The following ROBO2 variants were observed in gnomAD, a reference collection of about 807,000 sequenced individuals.
The protein encoded by ROBO2 is roundabout homolog 2.
A neutral mutation model predicts 160.8 loss-of-function variants in ROBO2; 53 were observed. That is an observed-to-expected ratio of 0.33 (90% CI 0.26 to 0.41). ROBO2 has a LOEUF of 0.41. Ranked by LOEUF, ROBO2 falls within the 10% of genes least tolerant of loss-of-function variation. The pLI is 1.00. For synonymous variants in ROBO2, 664 were observed against 611.7 expected, an observed-to-expected ratio of 1.09 and a Z score of -1.26; for missense variants, 1,577 against 1,722.4, an observed-to-expected ratio of 0.92 and a Z score of 1.49.
intron 2 of ROBO2, among the ~76,000 whole-genome samples, chr3:76,240,298 A>G (rs1461690068): frequency 2.0e-5 from 3 of 150,284 alleles, no homozygotes; most frequent in Non-Finnish European, 4.4e-5. Context: ...ACCCCCCGAC[A>G]GGCCCCAGTG....
At chr3:77,107,188 A>G (rs2072921331) in intron 2 of ROBO2, among the ~76,000 whole-genome samples, 1 of 152,326 alleles carries the variant, frequency 6.6e-6, no homozygotes, top group South Asian at 2.1e-4. Context: ...GCTCTGTCTC[A>G]TGACCTAATC....
intron 2 of ROBO2, among the ~76,000 whole-genome samples, chr3:77,222,645 T>C (rs1442109708): frequency 1.3e-5 from 2 of 152,220 alleles, no homozygotes. Context: ...TCAAAAACTA[T>C]ATCTTCATAT....
intron 17 of ROBO2, among the ~76,000 whole-genome samples, chr3:77,593,208 T>A (rs1331916468): frequency 8.7e-6 from 1 of 114,906 alleles, no homozygotes; most frequent in Non-Finnish European, 1.9e-5. Flanking sequence ...CACTTGATAG[T>A]CCATTAAAAA....
chr3:77,253,455 T>C (rs1465579160), intron 2 of ROBO2, among the ~76,000 whole-genome samples: 2 of 152,164 alleles, frequency 1.3e-5, no homozygotes, highest in Non-Finnish European at 1.5e-5. Context: ...CACTAAAAGC[T>C]CTATTCCAAA....
At chr3:76,111,743 C>G (rs184646993) in intron 2 of ROBO2, among the ~76,000 whole-genome samples, 1 of 152,194 alleles carries the variant, frequency 6.6e-6, no homozygotes, top group African/African-American at 2.4e-5. Flanking sequence ...CCCAAAAGGG[C>G]AGGGAGATGA....
At chr3:77,005,201 T>C (rs2061521246) in intron 2 of ROBO2, among the ~76,000 whole-genome samples, 1 of 152,164 alleles carries the variant, frequency 6.6e-6, no homozygotes, top group Non-Finnish European at 1.5e-5. Context: ...CCTGACTCTA[T>C]GGCCGCCGCC....
At chr3:76,071,658 C>G (rs1229499093) in intron 2 of ROBO2, among the ~76,000 whole-genome samples, 1 of 151,936 alleles carries the variant, frequency 6.6e-6, no homozygotes, top group Non-Finnish European at 1.5e-5. Context: ...TCTAATTGGA[C>G]TTTTTCAGGT....
intron 2 of ROBO2, among the ~76,000 whole-genome samples, chr3:76,249,822 G>T (rs1265476541): frequency 6.6e-6 from 1 of 152,068 alleles, no homozygotes. Flanking sequence ...TTTCTCAAAG[G>T]ATATTTGAAG....
chr3:76,358,733 T>G (rs1033562304), intron 2 of ROBO2, among the ~76,000 whole-genome samples: 3 of 152,018 alleles, frequency 2.0e-5, no homozygotes, highest in African/African-American at 7.2e-5. Flanking sequence ...CATTAGAATT[T>G]GAAGTTTAAG....
chr3:76,845,638 T>C (rs1041436844), intron 2 of ROBO2, among the ~76,000 whole-genome samples: 10 of 152,030 alleles, frequency 6.6e-5, no homozygotes, highest in African/African-American at 2.4e-4. Context: ...TGCCAATACA[T>C]TGTGTATCCA....
chr3:76,488,496 T>C (rs2079622287), intron 2 of ROBO2, among the ~76,000 whole-genome samples: 1 of 152,168 alleles, frequency 6.6e-6, no homozygotes, highest in Non-Finnish European at 1.5e-5. Context: ...CTCCACAGCA[T>C]ATCAGCTGCT....
intron 2 of ROBO2, among the ~76,000 whole-genome samples, chr3:76,490,825 A>C (rs1346796839): frequency 6.6e-6 from 1 of 152,224 alleles, no homozygotes; most frequent in Admixed American, 6.5e-5. Flanking sequence ...ATTTTTATTT[A>C]GGGTTATTTA....
intron 1 of ROBO2, among the ~76,000 whole-genome samples, chr3:75,916,787 A>G (rs900857840): frequency 6.9e-6 from 1 of 145,312 alleles, no homozygotes; most frequent in African/African-American, 2.6e-5. Context: ...TAAATGAATA[A>G]TTGATTTTGA....
intron 2 of ROBO2, among the ~76,000 whole-genome samples, chr3:76,681,117 A>C (rs72888367): frequency 0.016 from 2,428 of 152,198 alleles, 68 homozygotes; most frequent in African/African-American, 0.055. Context: ...ATTGTCTAAA[A>C]CTCTGCCAGT....
chr3:76,134,107 T>A (rs2071336660), intron 2 of ROBO2, among the ~76,000 whole-genome samples: 1 of 152,194 alleles, frequency 6.6e-6, no homozygotes, highest in African/African-American at 2.4e-5. Flanking sequence ...TATTCGCTAG[T>A]TTAAGTTGCT....
intron 2 of ROBO2, among the ~76,000 whole-genome samples, chr3:77,123,928 A>G (rs1221705023): frequency 6.7e-6 from 1 of 149,152 alleles, no homozygotes; most frequent in East Asian, 2.0e-4. Context: ...GATTATCTAT[A>G]TAGATACACT....
At chr3:76,531,938 G>A (rs2082253106) in intron 2 of ROBO2, among the ~76,000 whole-genome samples, 1 of 152,102 alleles carries the variant, frequency 6.6e-6, no homozygotes, top group South Asian at 2.1e-4. Flanking sequence ...AGAAAATGAA[G>A]ATCAAAGAAG....
chr3:76,744,733 G>A (rs1472186491), intron 2 of ROBO2, among the ~76,000 whole-genome samples: 1 of 151,304 alleles, frequency 6.6e-6, no homozygotes, highest in Non-Finnish European at 1.5e-5. Context: ...AGAGGATCTT[G>A]AGTTTTAACA....
At chr3:77,584,850 A>G (rs1031569346) in intron 16 of ROBO2, among the ~76,000 whole-genome samples, 1 of 151,522 alleles carries the variant, frequency 6.6e-6, no homozygotes, top group Non-Finnish European at 1.5e-5. Context: ...GTATTTAGAA[A>G]TAAGCCCTTA....
Sources: allele counts gnomAD v4.1 joint callset (sites outside exome capture counted in the v4.1 genomes callset), GRCh38; gene constraint gnomAD v4.1.1; transcripts MANE v1.5; gene names NCBI Gene and HGNC (gene_info 2026-07-23, HGNC 2026-07-21).